ZNF804A: variants seen among roughly 807,000 people sequenced by gnomAD.
ZNF804A encodes the protein zinc finger protein 804A.
In ZNF804A, 2 loss-of-function variants were observed where a neutral mutation model predicts 16.5. The ratio of observed to expected loss-of-function variants is 0.12; its 90% CI spans 0.05 to 0.38. The LOEUF (loss-of-function observed/expected upper bound fraction) is 0.38. Ranked by LOEUF, ZNF804A falls within the 10% of genes least tolerant of loss-of-function variation. ZNF804A has a pLI of 0.99. For synonymous variants in ZNF804A, 534 were observed against 489.6 expected (o/e 1.09, Z -1.20); for missense variants, 1,473 against 1,390.7 (o/e 1.06, Z -0.94).
chr2:184,936,341 A>C lies in ZNF804A; in HGVS notation c.945A>C (p.Gln315His). The change falls in exon 4 of 4, where the codon CAA (glutamine) becomes CAC (histidine). Residue 315 changes from glutamine to histidine, a missense_variant. Gln to His is a conservative substitution (Grantham distance 24). Transcript: ENST00000302277. ...ALLLPSFCKF[Q>H]LQLSSDADNC... The stretch of plus-strand genomic sequence containing the variant: ...TATTACCTTCATTTTGCAAGTTTCA[A>C]CTTCAGTTATCTTCTGATGCAGATA... 1 of 1,613,888 alleles carries C rather than the reference A, an allele frequency of 6.2e-7. No homozygotes were observed. Among genetic ancestry groups the C allele is most frequent in the South Asian group, 1.1e-5 (1 of 91,082 alleles).
chr2:184,604,684 T>C (rs1301333335), intron 1 of ZNF804A, among the ~76,000 whole-genome samples: 1 of 152,182 alleles, frequency 6.6e-6, no homozygotes, highest in East Asian at 1.9e-4. Flanking sequence ...TGTAGGCTAT[T>C]CATTTACTTA....
At chr2:184,748,962 A>G (rs1033919447) in intron 1 of ZNF804A, among the ~76,000 whole-genome samples, 2 of 151,536 alleles carry the variant, frequency 1.3e-5, no homozygotes, top group Admixed American at 6.6e-5. Flanking sequence ...TTTTTGTACT[A>G]ATAACATGCT....
chr2:184,719,833 C>T (rs1314042074), intron 1 of ZNF804A, among the ~76,000 whole-genome samples: 5 of 152,202 alleles, frequency 3.3e-5, no homozygotes, highest in Non-Finnish European at 1.5e-5. Flanking sequence ...TTCCTGTCTT[C>T]TTCTGAGCCT....
At chr2:184,659,759 A>G (rs757745261) in intron 1 of ZNF804A, among the ~76,000 whole-genome samples, 7 of 152,090 alleles carry the variant, frequency 4.6e-5, no homozygotes, top group Non-Finnish European at 1.0e-4. Context: ...TAAAGTATTA[A>G]CTCCTTTCGG....
chr2:184,884,844 C>T (rs902054400), intron 2 of ZNF804A, among the ~76,000 whole-genome samples: 18 of 152,048 alleles, frequency 1.2e-4, no homozygotes, highest in Non-Finnish European at 2.9e-5. Context: ...CAAAAATTGA[C>T]AAATGGGATC....
At chr2:184,722,768 CTAATT>C (rs1437845629) in intron 1 of ZNF804A, among the ~76,000 whole-genome samples, 3 of 151,916 alleles carry the variant, frequency 2.0e-5, no homozygotes, top group Non-Finnish European at 2.9e-5. Context: ...GATGTGATCG[CTAATT>C]TAACCTTGAA....
At chr2:184,648,134 A>G (rs893658785) in intron 1 of ZNF804A, among the ~76,000 whole-genome samples, 10 of 152,202 alleles carry the variant, frequency 6.6e-5, no homozygotes, top group African/African-American at 2.4e-4. Context: ...AAGAAATGCC[A>G]ACCAAGAATT....
intron 1 of ZNF804A, among the ~76,000 whole-genome samples, chr2:184,706,730 G>A (rs1169196797): frequency 6.6e-6 from 1 of 152,106 alleles, no homozygotes; most frequent in Non-Finnish European, 1.5e-5. Flanking sequence ...TAATAGTTTT[G>A]ATTGCACTCT....
At chr2:184,630,502 G>A (rs1691588534) in intron 1 of ZNF804A, among the ~76,000 whole-genome samples, 1 of 152,300 alleles carries the variant, frequency 6.6e-6, no homozygotes, top group Non-Finnish European at 1.5e-5. Context: ...ATAAGAAGGT[G>A]TAATACAATG....
At chr2:184,910,577 T>C (rs1685339512) in intron 2 of ZNF804A, among the ~76,000 whole-genome samples, 1 of 152,126 alleles carries the variant, frequency 6.6e-6, no homozygotes, top group Admixed American at 6.6e-5. Flanking sequence ...GCTGAGCTAA[T>C]TTACATTTCC....
At chr2:184,729,277 G>T (rs530545355) in intron 1 of ZNF804A, among the ~76,000 whole-genome samples, 8 of 151,712 alleles carry the variant, frequency 5.3e-5, no homozygotes, top group African/African-American at 1.9e-4. Flanking sequence ...AAATCATGTT[G>T]TATGCCATAA....
intron 1 of ZNF804A, among the ~76,000 whole-genome samples, chr2:184,750,051 A>T (rs1693855791): frequency 6.6e-6 from 1 of 151,514 alleles, no homozygotes; most frequent in South Asian, 2.1e-4. Context: ...AAGCTTGGGT[A>T]TTACTGAAGT....
chr2:184,911,961 A>G (rs1472874027), intron 2 of ZNF804A, among the ~76,000 whole-genome samples: 1 of 151,912 alleles, frequency 6.6e-6, no homozygotes, highest in African/African-American at 2.4e-5. Context: ...GATAAAATTG[A>G]GATTTATTTA....
chr2:184,680,383 T>C lies in ZNF804A; in HGVS notation c.111+81313T>C, dbSNP rs140778087. On this transcript the variant is annotated intron_variant, in intron 1 of 3. Transcript: ENST00000302277. ...GGAGGTCTTGCCTGTGGAGAGGAAC[T>C]ACCCACTGTGCATCTTCTCTCTGCT... is the stretch of plus-strand genomic sequence containing the variant. 6.7e-3 allele frequency among the ~76,000 whole-genome samples: 1,022 copies of C among 152,154 alleles called. 7 individuals carry two copies. Among genetic ancestry groups the C allele is most frequent in the Middle Eastern group, 0.01 (3 of 292 alleles).
intron 1 of ZNF804A, among the ~76,000 whole-genome samples, chr2:184,759,981 G>A (rs1391540405): frequency 6.6e-6 from 1 of 152,054 alleles, no homozygotes; most frequent in Admixed American, 6.6e-5. Context: ...CTCACACAAA[G>A]CCTGTTTGGT....
intron 1 of ZNF804A, among the ~76,000 whole-genome samples, chr2:184,702,982 G>A (rs1267549878): frequency 6.6e-6 from 1 of 152,060 alleles, no homozygotes; most frequent in Admixed American, 6.6e-5. Flanking sequence ...GGCTTTTAAT[G>A]TCTATGCATA....
At chr2:184,613,305 T>C (rs1328057138) in intron 1 of ZNF804A, among the ~76,000 whole-genome samples, 2 of 152,244 alleles carry the variant, frequency 1.3e-5, no homozygotes, top group African/African-American at 2.4e-5. Context: ...ACTCTCTTGC[T>C]CTCGCTGTCT....
At chr2:184,898,083 A>T (rs1373738653) in intron 2 of ZNF804A, among the ~76,000 whole-genome samples, 1 of 152,126 alleles carries the variant, frequency 6.6e-6, no homozygotes, top group African/African-American at 2.4e-5. Context: ...CAAATCATAA[A>T]CCATTTAAAT....
At chr2:184,614,609 T>C (rs1204574953) in intron 1 of ZNF804A, among the ~76,000 whole-genome samples, 1 of 152,144 alleles carries the variant, frequency 6.6e-6, no homozygotes, top group Non-Finnish European at 1.5e-5. Context: ...TCACAATTAA[T>C]TTGGATGATA....
Sources: allele counts gnomAD v4.1 joint callset (sites outside exome capture counted in the v4.1 genomes callset), GRCh38; gene constraint gnomAD v4.1.1; transcripts MANE v1.5; gene names NCBI Gene and HGNC (gene_info 2026-07-23, HGNC 2026-07-21).